SRGAP2B: variants seen among roughly 807,000 people sequenced by gnomAD.
SRGAP2B encodes SLIT-ROBO Rho GTPase-activating protein 2B.
A neutral mutation model predicts 22.2 loss-of-function variants in SRGAP2B; 9 were observed. The ratio of observed to expected loss-of-function variants is 0.41; its 90% CI spans 0.24 to 0.71. The LOEUF (loss-of-function observed/expected upper bound fraction) is 0.71, where lower values mean the gene tolerates loss of function less well. Among genes scored for constraint, SRGAP2B ranks in the 30% least tolerant of loss-of-function variants. The pLI is 0.35. For synonymous variants in SRGAP2B, 36 were observed against 87.4 expected (o/e 0.41, Z 3.28); for missense variants, 114 against 235.8 (o/e 0.48, Z 3.38).
intron 4 of SRGAP2B, among the ~76,000 whole-genome samples, chr1:144,950,694 T>A (rs1287137084): frequency 6.8e-6 from 1 of 147,154 alleles, no homozygotes; most frequent in African/African-American, 2.6e-5. Flanking sequence ...GTGAAATATC[T>A]GAATTCAATG....
At chr1:145,068,190 G>A (rs1212838355) in intron 2 of SRGAP2B, among the ~76,000 whole-genome samples, 1 of 53,496 alleles carries the variant, frequency 1.9e-5, no homozygotes, top group African/African-American at 1.0e-4. Context: ...GCGACAGAGC[G>A]AGACTCCGTC....
intron 3 of SRGAP2B, among the ~76,000 whole-genome samples, chr1:144,964,175 C>T (rs1429889872): frequency 6.7e-6 from 1 of 148,422 alleles, no homozygotes; most frequent in Non-Finnish European, 1.5e-5. Flanking sequence ...GGAGGAACAA[C>T]CCCCAGGCCC....
At chr1:144,940,719 C>T (rs1553607235) in intron 4 of SRGAP2B, among the ~76,000 whole-genome samples, 2 of 146,768 alleles carry the variant, frequency 1.4e-5, no homozygotes, top group African/African-American at 5.2e-5. Flanking sequence ...ACGAGAATCA[C>T]TTGAACCCGG....
Position 145,076,920 on chromosome 1 carries a change from GA to G in SRGAP2B, c.67+15914del, listed in dbSNP as rs1290158055. On this transcript the variant is annotated intron_variant, in intron 2 of 9. Transcript: ENST00000612199. ...TCTCAAAATAAAATATTAAAAAAAA[GA>G]AAAAAAAAAAGGCCGGATATCATCC... Among the ~76,000 whole-genome samples, 107 of 137,802 alleles carry G rather than the reference GA, an allele frequency of 7.8e-4. 2 individuals carry two copies. The highest frequency in any genetic ancestry group is 1.0e-3 in the African/African-American group (37 of 36,210). 90.4% of individuals were successfully genotyped at this position (137,802 alleles called of 152,430 possible).
intron 2 of SRGAP2B, among the ~76,000 whole-genome samples, chr1:144,998,610 G>A (rs1553618988): frequency 6.6e-6 from 1 of 150,680 alleles, no homozygotes; most frequent in Non-Finnish European, 1.5e-5. Flanking sequence ...TGGAGAAGGA[G>A]AAGGAAAAGG....
chr1:145,017,611 G>A (rs1672518589), intron 2 of SRGAP2B, among the ~76,000 whole-genome samples: 1 of 146,114 alleles, frequency 6.8e-6, no homozygotes, highest in Non-Finnish European at 1.5e-5. Flanking sequence ...TCAGTACAAT[G>A]TACAATAATT....
At chr1:144,959,387 T>TA (rs1667511943) in intron 3 of SRGAP2B, among the ~76,000 whole-genome samples, 1 of 146,244 alleles carries the variant, frequency 6.8e-6, no homozygotes, top group African/African-American at 2.6e-5. Flanking sequence ...AAGATTACAA[T>TA]AACTTATCTA....
At chr1:145,023,222 C>T (rs1553624437) in intron 2 of SRGAP2B, among the ~76,000 whole-genome samples, 1 of 136,324 alleles carries the variant, frequency 7.3e-6, no homozygotes, top group African/African-American at 2.8e-5. Flanking sequence ...TGAGAAGACC[C>T]CTGGAAGGGA....
intron 2 of SRGAP2B, among the ~76,000 whole-genome samples, chr1:145,070,033 C>CTT (rs372504712): frequency 1.4e-5 from 2 of 141,570 alleles, no homozygotes; most frequent in African/African-American, 5.2e-5. Flanking sequence ...GGAATGTCAT[C>CTT]TTTTTTTTTT....
intron 4 of SRGAP2B, among the ~76,000 whole-genome samples, chr1:144,945,358 CA>C (rs760292001): frequency 1.9e-4 from 28 of 149,920 alleles, no homozygotes; most frequent in Non-Finnish European, 3.7e-4. Context: ...CAATGAAAAC[CA>C]CGCTTACACT....
intron 2 of SRGAP2B, among the ~76,000 whole-genome samples, chr1:145,013,867 T>TA: frequency 6.6e-6 from 1 of 150,604 alleles, no homozygotes; most frequent in African/African-American, 2.5e-5. Flanking sequence ...GGTGATGAGC[T>TA]AATAAACATC....
chr1:144,937,045 AT>A (rs1553606561), intron 4 of SRGAP2B, among the ~76,000 whole-genome samples: 2 of 109,564 alleles, frequency 1.8e-5, no homozygotes, highest in African/African-American at 7.8e-5. Flanking sequence ...ATACTGAAGT[AT>A]TTTCCATTGT....
At chr1:144,971,936 A>T (rs1412846045) in intron 3 of SRGAP2B, among the ~76,000 whole-genome samples, 1 of 149,634 alleles carries the variant, frequency 6.7e-6, no homozygotes, top group Admixed American at 6.6e-5. Flanking sequence ...ATTTCATTCA[A>T]AAGCCCTTAG....
chr1:145,015,638 A>G (rs1672366076), intron 2 of SRGAP2B, among the ~76,000 whole-genome samples: 1 of 150,148 alleles, frequency 6.7e-6, no homozygotes, highest in East Asian at 2.0e-4. Context: ...AAAGGATTGG[A>G]ATTACCTATG....
chr1:144,977,886 ACT>A (rs1431308073), intron 3 of SRGAP2B, among the ~76,000 whole-genome samples: 1 of 140,088 alleles, frequency 7.1e-6, no homozygotes, highest in African/African-American at 2.8e-5. Context: ...TTTCCCATAA[ACT>A]CTCTGTCTTC....
At chr1:144,958,183 C>T (rs1356161392) in intron 3 of SRGAP2B, among the ~76,000 whole-genome samples, 2 of 151,422 alleles carry the variant, frequency 1.3e-5, no homozygotes, top group Admixed American at 6.6e-5. Flanking sequence ...AGGTAGACCG[C>T]AGATCAAAAG....
chr1:145,040,487 T>C (rs1206890632), intron 2 of SRGAP2B, among the ~76,000 whole-genome samples: 5 of 151,092 alleles, frequency 3.3e-5, no homozygotes, highest in Admixed American at 1.3e-4. Context: ...AAAGGCCAGA[T>C]AGTAAATATT....
intron 2 of SRGAP2B, among the ~76,000 whole-genome samples, chr1:145,009,145 C>T (rs1240074043): frequency 7.1e-6 from 1 of 141,774 alleles, no homozygotes; most frequent in African/African-American, 2.7e-5. Flanking sequence ...CCACTGCACT[C>T]CAGCCTGGGC....
intron 3 of SRGAP2B, among the ~76,000 whole-genome samples, chr1:144,985,693 T>C (rs1471466535): frequency 6.7e-6 from 1 of 150,028 alleles, no homozygotes; most frequent in Non-Finnish European, 1.5e-5. Flanking sequence ...CGCATAATAC[T>C]TTACCACTGC....
Sources: allele counts gnomAD v4.1 joint callset (sites outside exome capture counted in the v4.1 genomes callset), GRCh38; gene constraint gnomAD v4.1.1; transcripts MANE v1.5; gene names NCBI Gene and HGNC (gene_info 2026-07-23, HGNC 2026-07-21).